KCNAB1: variants seen among roughly 807,000 people sequenced by gnomAD.
KCNAB1 encodes potassium voltage-gated channel subfamily A regulatory beta subunit 1.
KCNAB1 carries 35 observed loss-of-function variants against 64.6 expected under a neutral mutation model. That is an observed-to-expected ratio of 0.54 (90% CI 0.41 to 0.72). The LOEUF (loss-of-function observed/expected upper bound fraction) is 0.72, where lower values mean the gene tolerates loss of function less well. Ranked by LOEUF, KCNAB1 falls within the 30% of genes least tolerant of loss-of-function variation. KCNAB1 has a pLI of 0.00. For synonymous variants in KCNAB1, 177 were observed against 183.8 expected (o/e 0.96, Z 0.30); for missense variants, 401 against 512.9 (o/e 0.78, Z 2.11).
chr3:156,133,675 T>C (rs1240091914), intron 1 of KCNAB1, among the ~76,000 whole-genome samples: 4 of 152,042 alleles, frequency 2.6e-5, no homozygotes. Flanking sequence ...ATATTAGAAG[T>C]GTGAAGGAAA....
At chr3:156,422,148 A>G (rs572632636) in intron 2 of KCNAB1, among the ~76,000 whole-genome samples, 2 of 152,346 alleles carry the variant, frequency 1.3e-5, no homozygotes, top group East Asian at 1.9e-4. Context: ...ATGTACATTA[A>G]TATGCATTAA....
Position 156,188,523 on chromosome 3 carries a change from C to G in KCNAB1, c.275+67637C>G, listed in dbSNP as rs147311263. On this transcript the variant is annotated intron_variant, in intron 1 of 13. Coordinates refer to ENST00000490337, the MANE Select transcript of KCNAB1 (RefSeq NM_172160.3). ...ATGCATGCTCATGTAAATAAAAATG[C>G]AAACAGTACAGAAATTTACAATTTA... Among the ~76,000 whole-genome samples the G allele has an allele frequency of 4.3e-3, 661 of 152,222 alleles. 7 individuals carry two copies. The highest frequency in any genetic ancestry group is 0.015 in the African/African-American group (635 of 41,558).
At position 156,452,793 on chromosome 3, in the gene KCNAB1, T is replaced by G. The variant is rs1303903764; in HGVS notation, c.320-106T>G. On this transcript the variant is annotated intron_variant, in intron 2 of 13. Coordinates refer to ENST00000490337, the MANE Select transcript of KCNAB1 (RefSeq NM_172160.3). This position sits in a 1 kb window ranked among gnomAD's most constrained non-coding sequence, Gnocchi z 4.6. ...CCCTCATCCAGGTACCTTTGTGAACTACCCATACAACCTATTGAGGTAGTC... is the reference window on the plus strand; with the variant it reads ...CCCTCATCCAGGTACCTTTGTGAACGACCCATACAACCTATTGAGGTAGTC... 1.3e-6 allele frequency: 1 copy of G among 758,142 alleles called. No homozygotes were observed. The highest frequency in any genetic ancestry group is 2.2e-6 in the Non-Finnish European group (1 of 454,592). The allele number at this position is 758,142 out of a possible 1,614,324, so 47.0% of individuals were successfully genotyped here.
intron 1 of KCNAB1, among the ~76,000 whole-genome samples, chr3:156,207,279 C>T (rs964048876): frequency 3.3e-5 from 5 of 152,130 alleles, no homozygotes; most frequent in African/African-American, 1.2e-4. Context: ...TTTATGTCCC[C>T]ATTGGGTATT....
chr3:156,316,668 G>T (rs184644471), intron 1 of KCNAB1, among the ~76,000 whole-genome samples: 1 of 152,362 alleles, frequency 6.6e-6, no homozygotes, highest in Non-Finnish European at 1.5e-5. Context: ...GGGAGCAGCT[G>T]CCAGCAGCTG....
intron 2 of KCNAB1, among the ~76,000 whole-genome samples, chr3:156,422,911 G>A (rs1011651042): frequency 6.6e-5 from 10 of 152,152 alleles, no homozygotes; most frequent in Admixed American, 2.0e-4. Context: ...AAAAAATGGA[G>A]TCCTGGAATC....
At chr3:156,333,248 C>T (rs1334689298) in intron 1 of KCNAB1, among the ~76,000 whole-genome samples, 4 of 151,936 alleles carry the variant, frequency 2.6e-5, no homozygotes, top group Non-Finnish European at 5.9e-5. Flanking sequence ...AGTTCCTCTA[C>T]GCTGGACTGT....
chr3:156,423,427 T>G (rs1438301829), intron 2 of KCNAB1, among the ~76,000 whole-genome samples: 4 of 152,110 alleles, frequency 2.6e-5, no homozygotes, highest in Admixed American at 2.0e-4. Flanking sequence ...GGGAGGTATT[T>G]TGTCAAAGTT....
intron 1 of KCNAB1, among the ~76,000 whole-genome samples, chr3:156,156,698 A>T (rs1050980136): frequency 4.6e-5 from 7 of 152,312 alleles, no homozygotes; most frequent in African/African-American, 1.4e-4. Flanking sequence ...GTGGATCTGG[A>T]GGGAAGAAGA....
rs1325829468 is a variant in KCNAB1 at position 156,369,759 on chromosome 3, A to G, written c.276-51857A>G. ...AAATGATGTACTTAAGCTTAAACAA[A>G]TGTCACTTAAGAAAACTGTAGTTTC... On this transcript the variant is annotated intron_variant, in intron 1 of 13. Transcript: ENST00000490337. 5.3e-5 allele frequency among the ~76,000 whole-genome samples: 8 copies of G among 152,240 alleles called. No homozygotes were observed. The East Asian group carries it at 5.8e-4, about 11-fold the overall frequency.
chr3:156,292,000 T>A (rs1720468849), intron 1 of KCNAB1: 1 of 1,614,078 alleles, frequency 6.2e-7, no homozygotes, highest in African/African-American at 1.3e-5. Flanking sequence ...CCGCCCCCAA[T>A]GTGGTGAACG....
intron 1 of KCNAB1, among the ~76,000 whole-genome samples, chr3:156,374,997 G>A (rs1260213815): frequency 7.4e-6 from 1 of 135,880 alleles, no homozygotes; most frequent in African/African-American, 3.3e-5. Flanking sequence ...TATTCACTAT[G>A]TAAGTCTCCC....
intron 1 of KCNAB1, among the ~76,000 whole-genome samples, chr3:156,415,195 T>C (rs1013351058): frequency 2.0e-5 from 3 of 152,210 alleles, no homozygotes; most frequent in Admixed American, 6.5e-5. Context: ...TACCAGATTT[T>C]GTACCCATAC....
chr3:156,407,491 G>A (rs1714326062), intron 1 of KCNAB1, among the ~76,000 whole-genome samples: 1 of 152,164 alleles, frequency 6.6e-6, no homozygotes, highest in African/African-American at 2.4e-5. Context: ...CAGGAACTTG[G>A]CCTGTTTTGT....
chr3:156,376,438 G>A (rs1267072109), intron 1 of KCNAB1, among the ~76,000 whole-genome samples: 1 of 152,190 alleles, frequency 6.6e-6, no homozygotes, highest in Non-Finnish European at 1.5e-5. Context: ...AAAGACTGAA[G>A]AGGACAATTT....
intron 1 of KCNAB1, among the ~76,000 whole-genome samples, chr3:156,198,797 C>T (rs1048968224): frequency 6.6e-6 from 1 of 150,818 alleles, no homozygotes; most frequent in Non-Finnish European, 1.5e-5. Flanking sequence ...AGCCTATTTA[C>T]ATTTAAGGTT....
intron 1 of KCNAB1, among the ~76,000 whole-genome samples, chr3:156,298,391 G>A (rs1720936008): frequency 6.6e-6 from 1 of 152,164 alleles, no homozygotes; most frequent in Admixed American, 6.5e-5. Flanking sequence ...TACACATGGA[G>A]TCCTTAATCC....
chr3:156,176,429 G>A (rs1017722310), intron 1 of KCNAB1: 2 of 784,312 alleles, frequency 2.6e-6, no homozygotes, highest in African/African-American at 1.7e-5. Context: ...AAACAAGGTG[G>A]CTAGATAACA....
chr3:156,164,992 A>G (rs1473962232), intron 1 of KCNAB1, among the ~76,000 whole-genome samples: 1 of 152,170 alleles, frequency 6.6e-6, no homozygotes, highest in Non-Finnish European at 1.5e-5. Context: ...AATGAAAGCA[A>G]ATAGGCCGGG....
Sources: gnomAD v4.1 joint callset for allele counts (sites outside exome capture counted in the v4.1 genomes callset) on GRCh38, gnomAD v4.1.1 for gene constraint, Gnocchi (gnomAD v3.1) non-coding constraint, MANE v1.5 for transcripts, NCBI Gene and HGNC (gene_info 2026-07-23, HGNC 2026-07-21) for gene names.